Variants in CCER2 observed in about 807,000 individuals in gnomAD.
The protein encoded by CCER2 is coiled-coil glutamate rich protein 2.
Under a neutral mutation model 27.1 loss-of-function variants are expected in CCER2, and 20 were observed. The ratio of observed to expected loss-of-function variants is 0.74; its 90% CI spans 0.52 to 1.07. The LOEUF (loss-of-function observed/expected upper bound fraction) is 1.07. Among genes scored for constraint, CCER2 ranks in the 50% least tolerant of loss-of-function variants. CCER2 has a pLI of 0.00. For synonymous variants in CCER2, 140 were observed against 144.3 expected, an observed-to-expected ratio of 0.97 and a Z score of 0.21; for missense variants, 351 against 344.7, an observed-to-expected ratio of 1.02 and a Z score of -0.14.
At chr19:38,909,782 C>T (rs1974266521) in intron 4 of CCER2, among the ~76,000 whole-genome samples, 1 of 152,020 alleles carries the variant, frequency 6.6e-6, no homozygotes, top group South Asian at 2.1e-4. Flanking sequence ...CCATGTTGGC[C>T]AGGCTGGTCT....
intron 3 of CCER2, 134 bp downstream of exon 3, chr19:38,911,432 C>G: frequency 1.3e-6 from 1 of 769,590 alleles, no homozygotes. Flanking sequence ...GGCAACAGGG[C>G]TCTGGGAATG....
In CCER2 at chr19:38,911,476, A is replaced by G. The variant is rs539462476; in HGVS notation, c.190+90T>C. On this transcript the variant is annotated intron_variant, in intron 3 of 4. Transcript: ENST00000571838. ...TTCCTCCAGGTAGCCTGGGTGGGAG[A>G]GCATGTGGGCACCTGGGCAGGACCC... 7.1e-5 allele frequency: 77 copies of G among 1,087,220 alleles called. No individual in the cohort carries two copies. In the Middle Eastern group the frequency reaches 2.3e-3, roughly 33 times the overall value. The allele number at this position is 1,087,220 out of a possible 1,614,324, so 67.3% of individuals were successfully genotyped here. A position where few individuals can be genotyped will look rare whatever the true frequency, so the allele number is the denominator to read the frequency against.
Position 38,910,847 on chromosome 19 carries a change from TCTC to T in CCER2, c.424_426del (p.Glu142del), listed in dbSNP as rs1250291575. 3 of 1,521,642 alleles carry T rather than the reference TCTC, an allele frequency of 2.0e-6. No homozygotes were observed. Among genetic ancestry groups the T allele is most frequent in the Middle Eastern group, 1.7e-4 (1 of 5,884 alleles). 94.3% of individuals were successfully genotyped at this position (1,521,642 alleles called of 1,614,324 possible). On this transcript the variant is annotated inframe_deletion, in exon 4 of 5. Transcript: ENST00000571838. ...AAGGTCTCCATGGGCCCCCTCTTCC[TCTC>T]CTCCTTCTCCTCCTCCTCGTCCTCC...
chr19:38,911,566 C>T lies in CCER2; in HGVS notation c.190G>A (p.Glu64Lys). ...RGPCTALLHK[E>K]LCGTEPHGCA... ...CAAGTGGGGCCCGGGGCCTCCTTAC[C>T]CTTGTGGAGAAGAGCAGTGCAGGGT... is the stretch of plus-strand genomic sequence containing the variant. Residue 64 changes from glutamate to lysine, a missense_variant and splice_region_variant, in exon 3 of 5, where the codon GAG becomes AAG. Glu to Lys is a moderately conservative substitution (Grantham distance 56). Transcript: ENST00000571838. 5.2e-6 allele frequency: 8 copies of T among 1,535,314 alleles called. No homozygotes were observed. The highest frequency in any genetic ancestry group is 2.4e-5 in the East Asian group (1 of 40,910).
Position 38,910,814 on chromosome 19 carries a change from G to T in CCER2, c.460C>A (p.Leu154Met), listed in dbSNP as rs2144750486. ...KRGPMETFED[L>M]WQRHLENGGD... The stretch of plus-strand genomic sequence containing the variant: ...CCATTCTCTAGATGCCGCTGCCACA[G>T]GTCCTCAAAGGTCTCCATGGGCCCC... The change falls in exon 4 of 5, where the codon CTG (leucine) becomes ATG (methionine). Residue 154 changes from leucine to methionine, a missense_variant. Physicochemically the swap from Leu to Met is conservative, Grantham distance 15. Coordinates refer to ENST00000571838, the MANE Select transcript of CCER2 (RefSeq NM_001243212.2). 3 of 1,533,486 alleles carry T rather than the reference G, an allele frequency of 2.0e-6. No individual in the cohort carries two copies. The highest frequency in any genetic ancestry group is 1.7e-6 in the Non-Finnish European group (2 of 1,145,560). 95.0% of individuals were successfully genotyped at this position (1,533,486 alleles called of 1,614,324 possible). A position where few individuals can be genotyped will look rare whatever the true frequency, so the allele number is the denominator to read the frequency against.
Position 38,912,107 on chromosome 19 carries a change from G to T in CCER2, c.52C>A (p.Leu18Met). 1 of 1,515,912 alleles carries T rather than the reference G, an allele frequency of 6.6e-7. No individual in the cohort carries two copies. The highest frequency in any genetic ancestry group is 1.2e-5 in the South Asian group (1 of 81,486). The allele number at this position is 1,515,912 out of a possible 1,614,324, so 93.9% of individuals were successfully genotyped here. Residue 18 changes from leucine to methionine, a missense_variant, in exon 1 of 5, where the codon CTG (leucine) becomes ATG (methionine). Leu to Met is a conservative substitution (Grantham distance 15, BLOSUM62 2). Coordinates refer to ENST00000571838, the MANE Select transcript of CCER2 (RefSeq NM_001243212.2). Reference sequence around the variant, plus strand: ...CAGGTCCCGCACTCACCCGCCCCCAGCAGGAGCAGCCGCAGCAGCAGCAGC... The same window carrying T: ...CAGGTCCCGCACTCACCCGCCCCCATCAGGAGCAGCCGCAGCAGCAGCAGC... ...SELLLLRLLLLGAATAAPLAP... is the reference protein window; with the variant it reads ...SELLLLRLLLMGAATAAPLAP...
chr19:38,912,032 C>G, intron 1 of CCER2, 66 bp downstream of exon 1: 2 of 1,507,784 alleles, frequency 1.3e-6, no homozygotes, highest in Non-Finnish European at 1.8e-6. Flanking sequence ...CTGCCTGCCC[C>G]CTCCCACTGG....
chr19:38,911,274 C>T (rs1600156963), intron 3 of CCER2, among the ~76,000 whole-genome samples, 191 bp from the exon 4 acceptor site: 5 of 152,334 alleles, frequency 3.3e-5, no homozygotes, highest in Admixed American at 3.3e-4. Flanking sequence ...AGGGGGGCTG[C>T]CCAGACTACA....
chr19:38,912,098 C>A lies in CCER2; in HGVS notation c.61G>T (p.Ala21Ser), dbSNP rs1259655305. 4.0e-6 allele frequency: 6 copies of A among 1,517,772 alleles called. No homozygotes were observed. The highest frequency in any genetic ancestry group is 5.3e-6 in the Non-Finnish European group (6 of 1,139,704). The allele number at this position is 1,517,772 out of a possible 1,614,324, so 94.0% of individuals were successfully genotyped here. The change falls in exon 1 of 5, where the codon GCC (alanine) becomes TCC (serine). Residue 21 changes from alanine (A) to serine (S), a missense_variant and splice_region_variant. Coordinates refer to ENST00000571838, the MANE Select transcript of CCER2 (RefSeq NM_001243212.2). ...LLLRLLLLGA[A>S]TAAPLAPRPS... Reference sequence around the variant, plus strand: ...CGCACTCGGCAGGTCCCGCACTCACCCGCCCCCAGCAGGAGCAGCCGCAGC... The same window carrying A: ...CGCACTCGGCAGGTCCCGCACTCACACGCCCCCAGCAGGAGCAGCCGCAGC...
Position 38,910,575 on chromosome 19 carries a change from A to C in CCER2, c.699T>G (p.Ala233=), listed in dbSNP as rs1974283991. 2.0e-6 allele frequency: 3 copies of C among 1,482,554 alleles called. No homozygotes were observed. The highest frequency in any genetic ancestry group is 1.8e-6 in the Non-Finnish European group (2 of 1,117,782). The allele number at this position is 1,482,554 out of a possible 1,614,324, so 91.8% of individuals were successfully genotyped here. A position where few individuals can be genotyped will look rare whatever the true frequency, so the allele number is the denominator to read the frequency against. The change falls in exon 4 of 5, where the codon GCT becomes GCG. Residue 233 remains alanine (A), a synonymous_variant. Coordinates refer to ENST00000571838, the MANE Select transcript of CCER2 (RefSeq NM_001243212.2). ...TCCCCCTACTCACCTCCCTCTCCGA[A>C]GCCTCCTCCTTCTCCTGCCTGGGCT... ...EAEPRQEKEE[A]SEREEKEVEQ...
rs952372715 is a variant in CCER2 at position 38,910,992 on chromosome 19, C to T, written c.282G>A (p.Met94Ile). 1 of 1,507,122 alleles carries T rather than the reference C, an allele frequency of 6.6e-7. No individual in the cohort carries two copies. The allele number at this position is 1,507,122 out of a possible 1,614,324, so 93.4% of individuals were successfully genotyped here. Residue 94 changes from methionine (M) to isoleucine (I), a missense_variant, in exon 4 of 5, where the codon ATG becomes ATA. Coordinates refer to ENST00000571838, the MANE Select transcript of CCER2 (RefSeq NM_001243212.2). ...CATCCCTCACCTCCTGGCTGGACCTCATCTTCCCAGCCTCCTGCTTCTTGA... is the reference window on the plus strand; with the variant it reads ...CATCCCTCACCTCCTGGCTGGACCTTATCTTCCCAGCCTCCTGCTTCTTGA... ...GDFKKQEAGK[M>I]RSSQEVRDEE...
chr19:38,909,418 G>A (rs983082670), intron 4 of CCER2, 93 bp from the exon 5 acceptor site: 5 of 1,092,592 alleles, frequency 4.6e-6, no homozygotes, highest in Non-Finnish European at 6.7e-6. Flanking sequence ...TTCTCATAGT[G>A]GCATCCAGCA....
In CCER2 at chr19:38,911,794, G is replaced by A; in HGVS notation, c.102+18C>T. 6.5e-7 allele frequency: 1 copy of A among 1,535,140 alleles called. No homozygotes were observed. Among genetic ancestry groups the A allele is most frequent in the South Asian group, 1.2e-5 (1 of 84,034 alleles). On this transcript the variant is annotated intron_variant, in intron 2 of 4. Coordinates refer to ENST00000571838, the MANE Select transcript of CCER2 (RefSeq NM_001243212.2). ...GCCCCAGCTAGGTGAGGCAGGGCAA[G>A]GCCTCCACACTCCTCACCTCCTCCT... is the stretch of plus-strand genomic sequence containing the variant.
Position 38,909,056 on chromosome 19 carries a change from G to A in CCER2, c.*180C>T. On this transcript the variant is annotated 3_prime_UTR_variant, in exon 5 of 5. Transcript: ENST00000571838. ...GGTGTGGGGGTGCTTCCTGTGTCAGGGCTGAGCCCAGCCCCCGGCCCAGCT... is the reference window on the plus strand; with the variant it reads ...GGTGTGGGGGTGCTTCCTGTGTCAGAGCTGAGCCCAGCCCCCGGCCCAGCT... 1.1e-6 allele frequency: 1 copy of A among 939,720 alleles called. No homozygotes were observed. Among genetic ancestry groups the A allele is most frequent in the East Asian group, 2.6e-5 (1 of 37,952 alleles). 58.2% of individuals were successfully genotyped at this position (939,720 alleles called of 1,614,324 possible).
chr19:38,910,415 G>A (rs575943717), intron 4 of CCER2, 148 bp downstream of exon 4: 16 of 1,162,174 alleles, frequency 1.4e-5, no homozygotes, highest in African/African-American at 4.6e-5. Context: ...TTAGCCAGTC[G>A]TGGTGTCAGT....
At chr19:38,912,073 C>T (rs575421293) in intron 1 of CCER2, 25 bp downstream of exon 1, 86 of 1,525,242 alleles carry the variant, frequency 5.6e-5, no homozygotes, top group South Asian at 2.1e-4. Flanking sequence ...TGGCAGGTCC[C>T]GCACTCGGCA....
chr19:38,912,011 C>T, intron 1 of CCER2, 87 bp downstream of exon 1: 1 of 1,486,654 alleles, frequency 6.7e-7, no homozygotes, highest in Non-Finnish European at 8.9e-7. Flanking sequence ...GAAGCCTCTC[C>T]ACTGGGTGCA....
Position 38,911,627 on chromosome 19 carries a change from GACC to G in CCER2, c.126_128del (p.Val43del). The G allele has an allele frequency of 6.5e-7, 1 of 1,535,514 alleles. No homozygotes were observed. The highest frequency in any genetic ancestry group is 8.7e-7 in the Non-Finnish European group (1 of 1,146,738). ...CCTGGCCCACGGTCAGCACCTCTGT[GACC>G]ACCTCTGCCAGACAGCGGGTCAGCT... On this transcript the variant is annotated inframe_deletion, in exon 3 of 5. Transcript: ENST00000571838.
chr19:38,911,289 G>A (rs1314020880), intron 3 of CCER2, among the ~76,000 whole-genome samples: 1 of 152,260 alleles, frequency 6.6e-6, no homozygotes, highest in Non-Finnish European at 1.5e-5. Context: ...ACTACAGGGG[G>A]AGGGTCCTAT....
Sources: allele counts gnomAD v4.1 joint callset (sites outside exome capture counted in the v4.1 genomes callset), GRCh38; gene constraint gnomAD v4.1.1; transcripts MANE v1.5; gene names NCBI Gene and HGNC (gene_info 2026-07-23, HGNC 2026-07-21).